PATJ: variants seen among roughly 807,000 people sequenced by gnomAD.
PATJ encodes the protein inaD-like protein.
A neutral mutation model predicts 224.9 loss-of-function variants in PATJ; 190 were observed. The ratio of observed to expected loss-of-function variants is 0.84; its 90% CI spans 0.75 to 0.95. The LOEUF (loss-of-function observed/expected upper bound fraction) is 0.95. Ranked by LOEUF, PATJ falls within the 40% of genes least tolerant of loss-of-function variation. The pLI is 0.00. For synonymous variants in PATJ, 769 were observed against 820.3 expected (o/e 0.94, Z 1.07); for missense variants, 2,121 against 2,270.3 (o/e 0.93, Z 1.34).
chr1:61,973,686 C>T (rs1181335518), intron 27 of PATJ, among the ~76,000 whole-genome samples: 1 of 152,074 alleles, frequency 6.6e-6, no homozygotes, highest in East Asian at 1.9e-4. Flanking sequence ...GCACTGTAAC[C>T]ATAGTGAGCT....
intron 37 of PATJ, among the ~76,000 whole-genome samples, chr1:62,120,717 G>T (rs1408610137): frequency 6.6e-6 from 1 of 152,056 alleles, no homozygotes; most frequent in East Asian, 1.9e-4. Context: ...ACAATTGAGG[G>T]TTCTATTTTG....
intron 17 of PATJ, among the ~76,000 whole-genome samples, chr1:61,848,340 C>T (rs999384345): frequency 6.6e-6 from 1 of 152,128 alleles, no homozygotes; most frequent in Non-Finnish European, 1.5e-5. Context: ...TCTTATATAT[C>T]TTTTCTGCTT....
intron 28 of PATJ, among the ~76,000 whole-genome samples, chr1:62,015,536 C>CGT (rs375233847): frequency 3.3e-5 from 5 of 151,260 alleles, no homozygotes; most frequent in South Asian, 2.1e-4. Context: ...TTGATGATTT[C>CGT]GTGTGTGTGT....
chr1:62,036,139 TAAG>T (rs748369325), intron 29 of PATJ, among the ~76,000 whole-genome samples: 12 of 152,190 alleles, frequency 7.9e-5, no homozygotes, highest in Middle Eastern at 3.4e-3. Context: ...TAAGAAGCCA[TAAG>T]AAGGGGTTAG....
chr1:61,884,188 G>A (rs376269450), intron 21 of PATJ, 49 bp from the exon 22 acceptor site: 67 of 1,469,670 alleles, frequency 4.6e-5, no homozygotes, highest in Non-Finnish European at 6.0e-5. Flanking sequence ...AATGACTAAA[G>A]GAGAATGAGT....
intron 30 of PATJ, chr1:62,038,909 G>T: frequency 1.1e-6 from 1 of 936,770 alleles, no homozygotes; most frequent in Non-Finnish European, 1.8e-6. Flanking sequence ...GGAGTCCTGT[G>T]CACAGATTCA....
intron 31 of PATJ, among the ~76,000 whole-genome samples, chr1:62,052,439 T>TAA (rs554528489): frequency 5.7e-4 from 63 of 111,474 alleles, no homozygotes; most frequent in Middle Eastern, 4.3e-3. Flanking sequence ...AGAGATTGAC[T>TAA]AAAAAAAAAA....
At chr1:61,965,699 G>A (rs1265647232) in intron 27 of PATJ, among the ~76,000 whole-genome samples, 1 of 152,128 alleles carries the variant, frequency 6.6e-6, no homozygotes, top group African/African-American at 2.4e-5. Flanking sequence ...GCAAAAGTAG[G>A]ATTTGAACTC....
chr1:61,930,477 A>C (rs60382601), intron 27 of PATJ, among the ~76,000 whole-genome samples: 10,450 of 152,230 alleles, frequency 0.069, 1,059 homozygotes, highest in African/African-American at 0.22. Context: ...TAACTTTCCC[A>C]AGGACCATGA....
At chr1:61,848,755 G>A (rs1272055642) in intron 17 of PATJ, among the ~76,000 whole-genome samples, 1 of 151,942 alleles carries the variant, frequency 6.6e-6, no homozygotes, top group African/African-American at 2.4e-5. Context: ...CTCTATTTTA[G>A]CAACTTCCTT....
At chr1:61,988,774 G>T (rs1178663835) in intron 27 of PATJ, among the ~76,000 whole-genome samples, 1 of 152,180 alleles carries the variant, frequency 6.6e-6, no homozygotes, top group African/African-American at 2.4e-5. Flanking sequence ...TTATAAAGCA[G>T]TGTTTGTTAA....
intron 6 of PATJ, among the ~76,000 whole-genome samples, chr1:61,773,769 G>T (rs1354847638): frequency 4.0e-5 from 6 of 151,360 alleles, no homozygotes; most frequent in Non-Finnish European, 7.4e-5. Context: ...GGGTGACAGA[G>T]TGAGACTCTG....
chr1:61,899,348 TA>T (rs550697576), intron 22 of PATJ, among the ~76,000 whole-genome samples: 110 of 152,334 alleles, frequency 7.2e-4, no homozygotes, highest in Non-Finnish European at 1.3e-3. Flanking sequence ...ATATCACTAA[TA>T]AAAGTGTTTA....
At chr1:61,977,800 G>A (rs548015806) in intron 27 of PATJ, among the ~76,000 whole-genome samples, 44 of 151,432 alleles carry the variant, frequency 2.9e-4, no homozygotes, top group African/African-American at 9.7e-4. Flanking sequence ...GGATCCCTGC[G>A]GCCAGGAGTT....
At chr1:61,971,502 T>C (rs1479820164) in intron 27 of PATJ, among the ~76,000 whole-genome samples, 1 of 151,892 alleles carries the variant, frequency 6.6e-6, no homozygotes, top group African/African-American at 2.4e-5. Flanking sequence ...TAGTCCCAGC[T>C]ACTCAGGAGG....
intron 25 of PATJ, among the ~76,000 whole-genome samples, chr1:61,909,225 G>C (rs1888987): frequency 0.76 from 115,425 of 152,088 alleles, 44,015 homozygotes; most frequent in East Asian, 1. Context: ...AGTGATCTGC[G>C]CACCTTGGCC....
At chr1:62,126,500 C>T (rs1420951990) in intron 39 of PATJ, among the ~76,000 whole-genome samples, 1 of 152,206 alleles carries the variant, frequency 6.6e-6, no homozygotes, top group Non-Finnish European at 1.5e-5. Context: ...CATGCCAGAA[C>T]TGGAACTTGT....
chr1:62,117,011 C>A, intron 36 of PATJ, 121 bp from the exon 37 acceptor site: 1 of 784,232 alleles, frequency 1.3e-6, no homozygotes, highest in Non-Finnish European at 2.1e-6. Context: ...CTCTCTAGGG[C>A]TATGCCTGTT....
chr1:61,922,490 C>T (rs1674482406), intron 26 of PATJ, among the ~76,000 whole-genome samples: 1 of 152,188 alleles, frequency 6.6e-6, no homozygotes, highest in African/African-American at 2.4e-5. Flanking sequence ...AGAACACTGC[C>T]TGGCATCATA....
Sources: gnomAD v4.1 joint callset for allele counts (sites outside exome capture counted in the v4.1 genomes callset) on GRCh38, gnomAD v4.1.1 for gene constraint, MANE v1.5 for transcripts, NCBI Gene and HGNC (gene_info 2026-07-23, HGNC 2026-07-21) for gene names.